Variants in YTHDF2 observed in about 807,000 individuals in gnomAD.
YTHDF2 encodes the protein YTH domain-containing family protein 2.
A neutral mutation model predicts 50.4 loss-of-function variants in YTHDF2; 2 were observed. The observed-to-expected ratio is 0.04, with a 90% CI of 0.02 to 0.12. YTHDF2 has a LOEUF of 0.12. Ranked by LOEUF, YTHDF2 falls within the 10% of genes least tolerant of loss-of-function variation. The pLI is 1.00. For synonymous variants in YTHDF2, 217 were observed against 255.6 expected (o/e 0.85, Z 1.44); for missense variants, 483 against 722.6 (o/e 0.67, Z 3.80).
chr1:28,736,982 T>C lies in YTHDF2; in HGVS notation c.-139T>C. Reference sequence around the variant, plus strand: ...GAGCCGGAGCCTGAGCCGCGCGCTGTGTCTCCGCTGCGTCCGCCGAGGCCC... The same window carrying C: ...GAGCCGGAGCCTGAGCCGCGCGCTGCGTCTCCGCTGCGTCCGCCGAGGCCC... On this transcript the variant is annotated 5_prime_UTR_variant, in exon 1 of 5. Transcript: ENST00000373812. 9.3e-7 allele frequency: 1 copy of C among 1,071,910 alleles called. No homozygotes were observed. The highest frequency in any genetic ancestry group is 1.3e-6 in the Non-Finnish European group (1 of 748,264). The allele number at this position is 1,071,910 out of a possible 1,614,324, so 66.4% of individuals were successfully genotyped here.
At position 28,760,271 on chromosome 1, in the gene YTHDF2, T is replaced by TTGTG. The variant is rs28969505; in HGVS notation, c.1717-8617_1717-8614dup. ...ATATATAAGCCAATAACATAGTAGG[T>TTGTG]TGTGTGTGTGTGTGTGTGTGTGTGT... is the stretch of plus-strand genomic sequence containing the variant. On this transcript the variant is annotated intron_variant, in intron 4 of 4. Transcript: ENST00000373812. Among the ~76,000 whole-genome samples the TTGTG allele has an allele frequency of 8.9e-3, 1,313 of 147,328 alleles. 10 individuals carry two copies. Among genetic ancestry groups the TTGTG allele is most frequent in the East Asian group, 0.042 (201 of 4,806 alleles).
intron 4 of YTHDF2, among the ~76,000 whole-genome samples, chr1:28,748,120 T>TC (rs577467652): frequency 9.2e-4 from 136 of 147,162 alleles, no homozygotes; most frequent in African/African-American, 3.4e-3. Context: ...AGAGCGAGAC[T>TC]CCATCTCAAA....
chr1:28,742,560 C>G lies in YTHDF2; in HGVS notation c.290C>G (p.Pro97Arg). ...TATGGACAGCTGAGCAACGGAGAGC[C>G]CCACTTCCTACCAGATGCAATGTTT... The part of the protein sequence containing the change: ...TSYGQLSNGE[P>R]HFLPDAMFGQ... Residue 97 changes from proline (P) to arginine (R), a missense_variant, in exon 4 of 5, where the codon CCC becomes CGC. By Grantham distance (103) the Pro-to-Arg change is moderately radical (BLOSUM62 -2). Transcript: ENST00000373812. 6.2e-7 allele frequency: 1 copy of G among 1,614,040 alleles called. No homozygotes were observed. The highest frequency in any genetic ancestry group is 8.5e-7 in the Non-Finnish European group (1 of 1,180,002).
intron 4 of YTHDF2, among the ~76,000 whole-genome samples, chr1:28,759,813 G>A (rs1167993799): frequency 1.3e-5 from 2 of 152,030 alleles, no homozygotes; most frequent in South Asian, 2.1e-4. Flanking sequence ...AAACCTAGCC[G>A]GGCGTGGTGG....
chr1:28,737,750 G>A (rs1324520857), intron 2 of YTHDF2, 68 bp downstream of exon 2: 6 of 1,587,868 alleles, frequency 3.8e-6, no homozygotes, highest in Non-Finnish European at 5.1e-6. Flanking sequence ...CGGGGTCTCC[G>A]GGAAGCGCCC....
At chr1:28,752,484 C>T (rs774461339) in intron 4 of YTHDF2, among the ~76,000 whole-genome samples, 2 of 152,018 alleles carry the variant, frequency 1.3e-5, no homozygotes, top group Non-Finnish European at 2.9e-5. Context: ...TTAGTAGAAG[C>T]GAGGTTTCAC....
In YTHDF2 at chr1:28,738,260, A is replaced by T. The variant is rs761960022; in HGVS notation, c.54A>T (p.Val18=). The T allele has an allele frequency of 3.7e-6, 6 of 1,613,528 alleles. No homozygotes were observed. The South Asian group carries it at 5.5e-5, about 15-fold the overall frequency. Residue 18 remains valine (V), a splice_region_variant and synonymous_variant, in exon 3 of 5, where the codon GTA becomes GTT. Coordinates refer to ENST00000373812, the MANE Select transcript of YTHDF2 (RefSeq NM_016258.3). ...CTAATTGAATTTTTTTTTCTTTAGT[A>T]CAAAATGGATCTGTACATCAAAAGG... ...EQRPKGQGNK[V]QNGSVHQKDG...
At position 28,738,331 on chromosome 1, in the gene YTHDF2, C is replaced by G. The variant is rs1237721101; in HGVS notation, c.125C>G (p.Ala42Gly). The change falls in exon 3 of 5, where the codon GCA (alanine) becomes GGA (glycine). Residue 42 changes from alanine (A) to glycine (G), a missense_variant. Transcript: ENST00000373812. ...TTTGAACCTTACTTGAGTCCACAGG[C>G]AAGGCCCGTGAGTAGTTAACTATTT... ...DDFEPYLSPQ[A>G]RPNNAYTAMS... 1 of 1,613,606 alleles carries G rather than the reference C, an allele frequency of 6.2e-7. No individual in the cohort carries two copies. Among genetic ancestry groups the G allele is most frequent in the Non-Finnish European group, 8.5e-7 (1 of 1,179,506 alleles).
At chr1:28,741,926 G>A (rs1342719179) in intron 3 of YTHDF2, among the ~76,000 whole-genome samples, 1 of 152,018 alleles carries the variant, frequency 6.6e-6, no homozygotes, top group Non-Finnish European at 1.5e-5. Context: ...TAAAGCTAAG[G>A]CCCATATTCA....
rs56916547 is a variant in YTHDF2 at position 28,751,090 on chromosome 1, C to CAAAAAAAAAAAAAAAA, written c.1716+7109_1716+7124dup. On this transcript the variant is annotated intron_variant, in intron 4 of 4. Coordinates refer to ENST00000373812, the MANE Select transcript of YTHDF2 (RefSeq NM_016258.3). Reference sequence around the variant, plus strand: ...CCTTTGTGACAGAGCGAGACTGTCTCAAAAAAAAAAAAAAAAAAAAGGCTG... The same window carrying CAAAAAAAAAAAAAAAA: ...CCTTTGTGACAGAGCGAGACTGTCTCAAAAAAAAAAAAAAAAAAAAAAAAAAAAAAAAAAAAGGCTG... 2.4e-4 allele frequency among the ~76,000 whole-genome samples: 8 copies of CAAAAAAAAAAAAAAAA among 33,754 alleles called. 1 individual carries two copies. Among genetic ancestry groups the CAAAAAAAAAAAAAAAA allele is most frequent in the African/African-American group, 4.7e-4 (3 of 6,348 alleles). The allele number at this position is 33,754 out of a possible 152,430, so 22.1% of individuals were successfully genotyped here.
intron 4 of YTHDF2, among the ~76,000 whole-genome samples, chr1:28,765,432 A>G (rs2088201505): frequency 1.2e-5 from 1 of 85,232 alleles, no homozygotes; most frequent in African/African-American, 7.2e-5. Flanking sequence ...TTTTAAAAAA[A>G]GTTTTGAGAG....
At chr1:28,742,282 A>G (rs372610233) in intron 3 of YTHDF2, 121 bp from the exon 4 acceptor site, 1 of 1,308,316 alleles carries the variant, frequency 7.6e-7, no homozygotes, top group East Asian at 2.4e-5. Flanking sequence ...GGTGTGAGCC[A>G]CCGCGTCCGG....
intron 4 of YTHDF2, among the ~76,000 whole-genome samples, chr1:28,754,874 A>T (rs561300258): frequency 5.5e-5 from 8 of 144,988 alleles, no homozygotes; most frequent in South Asian, 2.3e-4. Context: ...CTACTCAGGG[A>T]GCTGAGGGAT....
intron 3 of YTHDF2, among the ~76,000 whole-genome samples, chr1:28,739,451 C>G (rs369730018): frequency 2.6e-5 from 4 of 151,998 alleles, no homozygotes; most frequent in African/African-American, 9.6e-5. Context: ...CTGGGACCAC[C>G]ATGCCCGGCT....
intron 3 of YTHDF2, among the ~76,000 whole-genome samples, chr1:28,739,979 G>T (rs1399523796): frequency 1.3e-5 from 2 of 152,204 alleles, no homozygotes; most frequent in Non-Finnish European, 2.9e-5. Context: ...AACGTATGCT[G>T]TATGAAACAT....
intron 4 of YTHDF2, among the ~76,000 whole-genome samples, chr1:28,752,164 A>G (rs564684437): frequency 4.6e-5 from 7 of 152,244 alleles, no homozygotes; most frequent in Non-Finnish European, 7.3e-5. Flanking sequence ...ATTAAATTAC[A>G]TTATAATTAC....
At chr1:28,754,416 G>T (rs991074087) in intron 4 of YTHDF2, among the ~76,000 whole-genome samples, 3 of 152,202 alleles carry the variant, frequency 2.0e-5, no homozygotes, top group Non-Finnish European at 4.4e-5. Context: ...TGTAGTCCCA[G>T]CTACTCAGGA....
At chr1:28,755,883 A>G (rs1355806096) in intron 4 of YTHDF2, among the ~76,000 whole-genome samples, 1 of 152,220 alleles carries the variant, frequency 6.6e-6, no homozygotes, top group Non-Finnish European at 1.5e-5. Flanking sequence ...TCTGAAATCC[A>G]AAACATTTCT....
chr1:28,742,600 C>T lies in YTHDF2; in HGVS notation c.330C>T (p.Ala110=), dbSNP rs1437481405. Residue 110 remains alanine (A), a synonymous_variant, in exon 4 of 5, where the codon GCC becomes GCT. Coordinates refer to ENST00000373812, the MANE Select transcript of YTHDF2 (RefSeq NM_016258.3). The stretch of plus-strand genomic sequence containing the variant: ...ATGCAATGTTTGGGCAACCAGGAGC[C>T]CTAGGTAGCACTCCATTTCTTGGTC... ...LPDAMFGQPG[A]LGSTPFLGQH... is the part of the protein sequence containing the mutation. 4.3e-6 allele frequency: 7 copies of T among 1,613,816 alleles called. No individual in the cohort carries two copies. The highest frequency in any genetic ancestry group is 1.3e-5 in the African/African-American group (1 of 74,872).
Sources: allele counts gnomAD v4.1 joint callset (sites outside exome capture counted in the v4.1 genomes callset), GRCh38; gene constraint gnomAD v4.1.1; transcripts MANE v1.5; gene names NCBI Gene and HGNC (gene_info 2026-07-23, HGNC 2026-07-21).